The following SPIB variants were observed in gnomAD, a reference collection of about 807,000 sequenced individuals.
SPIB encodes the protein transcription factor Spi-B.
SPIB carries 7 observed loss-of-function variants against 31.9 expected under a neutral mutation model. That is an observed-to-expected ratio of 0.22 (90% CI 0.12 to 0.41). SPIB has a LOEUF of 0.41. SPIB is among the 10% of genes least tolerant of loss of function. The pLI, the probability that SPIB is intolerant of heterozygous loss-of-function variation, is 1.00. For synonymous variants in SPIB, 176 were observed against 158.9 expected, an observed-to-expected ratio of 1.11 and a Z score of -0.81; for missense variants, 327 against 360.2, an observed-to-expected ratio of 0.91 and a Z score of 0.75.
intron 5 of SPIB, among the ~76,000 whole-genome samples, chr19:50,427,791 T>C (rs1329478444): frequency 6.7e-6 from 1 of 148,882 alleles, no homozygotes; most frequent in African/African-American, 2.5e-5. Context: ...GATGTAAATC[T>C]CGAAAATTAA....
chr19:50,421,523 A>G (rs1174269569), intron 2 of SPIB, among the ~76,000 whole-genome samples: 5 of 151,834 alleles, frequency 3.3e-5, no homozygotes, highest in Admixed American at 6.6e-5. Context: ...GGGTTTCACC[A>G]TGTTGGCCAG....
intron 5 of SPIB, 143 bp from the exon 6 acceptor site, chr19:50,427,895 G>C: frequency 3.1e-6 from 2 of 653,822 alleles, no homozygotes; most frequent in Non-Finnish European, 4.5e-6. Flanking sequence ...CGCAGAGCCA[G>C]GTGTATGTAA....
intron 5 of SPIB, 22 bp downstream of exon 5, chr19:50,423,777 G>A (rs377672034): frequency 9.5e-6 from 15 of 1,584,396 alleles, no homozygotes; most frequent in East Asian, 2.3e-5. Context: ...TGGCTGGGGT[G>A]GGGGAGATGC....
chr19:50,428,630 G>A lies in SPIB; in HGVS notation c.*294G>A. On this transcript the variant is annotated 3_prime_UTR_variant, in exon 6 of 6. Coordinates refer to ENST00000595883, the MANE Select transcript of SPIB (RefSeq NM_003121.5). This position sits in a 1 kb window ranked among gnomAD's most constrained non-coding sequence, Gnocchi z 6.5. Reference sequence around the variant, plus strand: ...GGACCACTATACTCGGGGAGGCAGGGTAGCAGTTCTTCCAGAATCCCAAGA... The same window carrying A: ...GGACCACTATACTCGGGGAGGCAGGATAGCAGTTCTTCCAGAATCCCAAGA... The A allele has an allele frequency of 2.6e-6, 1 of 383,828 alleles. No homozygotes were observed. Among genetic ancestry groups the A allele is most frequent in the Non-Finnish European group, 4.6e-6 (1 of 215,452 alleles). 23.8% of individuals were successfully genotyped at this position (383,828 alleles called of 1,614,324 possible).
intron 5 of SPIB, among the ~76,000 whole-genome samples, chr19:50,425,678 G>A (rs55919517): frequency 0.083 from 12,637 of 152,226 alleles, 606 homozygotes; most frequent in South Asian, 0.19. Context: ...CTGAGCCTAT[G>A]TGCTCCTCCC....
At chr19:50,420,768 C>T (rs1242022802) in intron 2 of SPIB, among the ~76,000 whole-genome samples, 1 of 152,194 alleles carries the variant, frequency 6.6e-6, no homozygotes, top group Non-Finnish European at 1.5e-5. Context: ...GCTGGGATTA[C>T]AGGCATGTGC....
rs762655908 is a variant in SPIB, at chr19:50,418,968, C to G, written c.6C>G (p.Leu2=). M[L]ALEAAQLDGP... ...ACAGCCCGCCCGGCACCACCATGCT[C>G]GCCCTGGAGGCTGCACAGTAAGTGA... The change falls in exon 1 of 6, where the codon CTC becomes CTG. Residue 2 remains leucine (L), a synonymous_variant. Transcript: ENST00000595883. The surrounding 1 kb of genome is among the most constrained non-coding windows in gnomAD (Gnocchi z 6.0). 6.4e-7 allele frequency: 1 copy of G among 1,554,226 alleles called. No homozygotes were observed. The highest frequency in any genetic ancestry group is 8.7e-7 in the Non-Finnish European group (1 of 1,149,110).
rs1189221327 is a variant in SPIB at position 50,430,425 on chromosome 19, G to A, written c.*2089G>A. On this transcript the variant is annotated 3_prime_UTR_variant, in exon 6 of 6. Coordinates refer to ENST00000595883, the MANE Select transcript of SPIB (RefSeq NM_003121.5). ...TTAGTTTGTCCCTTCTGTGAAAAAGGGAGAGAAGGAGGAGGAAGATCTCAA... is the reference window on the plus strand; with the variant it reads ...TTAGTTTGTCCCTTCTGTGAAAAAGAGAGAGAAGGAGGAGGAAGATCTCAA... The A allele has an allele frequency of 6.6e-6, 1 of 152,176 alleles. No homozygotes were observed. Among genetic ancestry groups the A allele is most frequent in the African/African-American group, 2.4e-5 (1 of 41,392 alleles). The allele number at this position is 152,176 out of a possible 1,614,324, so 9.4% of individuals were successfully genotyped here. A position where few individuals can be genotyped will look rare whatever the true frequency, so the allele number is the denominator to read the frequency against.
chr19:50,423,172 T>G, intron 4 of SPIB, 135 bp downstream of exon 4: 1 of 418,058 alleles, frequency 2.4e-6, no homozygotes, highest in East Asian at 3.5e-5. Flanking sequence ...TCCACTGCAC[T>G]CCAGTCTGGG....
intron 1 of SPIB, 95 bp from the exon 2 acceptor site, chr19:50,419,851 A>T: frequency 7.5e-7 from 1 of 1,335,348 alleles, no homozygotes; most frequent in Non-Finnish European, 1.0e-6. Context: ...TGCGGTGGTC[A>T]CAGCTGCTGC....
Position 50,424,017 on chromosome 19 carries a change from T to C in SPIB, c.490+262T>C, listed in dbSNP as rs527453189. On this transcript the variant is annotated intron_variant, in intron 5 of 5. Coordinates refer to ENST00000595883, the MANE Select transcript of SPIB (RefSeq NM_003121.5). ...GACTAAATGGGATAGTAAGTGTAAA[T>C]GGGACAGCAGTGCCAGGCACAGAGT... Among the ~76,000 whole-genome samples, 11 of 152,178 alleles carry C rather than the reference T, an allele frequency of 7.2e-5. No homozygotes were observed. The South Asian group carries it at 2.3e-3, about 32-fold the overall frequency.
intron 1 of SPIB, 91 bp downstream of exon 1, chr19:50,419,076 C>G (rs2039448163): frequency 6.8e-7 from 1 of 1,470,498 alleles, no homozygotes; most frequent in African/African-American, 1.4e-5. Context: ...TTCTCTGCTC[C>G]TCACGGCCGG....
At chr19:50,422,665 C>A (rs2039511566) in intron 3 of SPIB, 120 bp downstream of exon 3, 1 of 1,178,422 alleles carries the variant, frequency 8.5e-7, no homozygotes, top group Non-Finnish European at 1.2e-6. Flanking sequence ...GGGCCTATAG[C>A]CCTCCTCCCC....
At chr19:50,427,330 G>C (rs545174667) in intron 5 of SPIB, among the ~76,000 whole-genome samples, 1 of 152,276 alleles carries the variant, frequency 6.6e-6, no homozygotes, top group Admixed American at 6.5e-5. Context: ...TTCGAGACCA[G>C]CCTGGCCAAC....
intron 5 of SPIB, among the ~76,000 whole-genome samples, chr19:50,426,182 C>T (rs919014130): frequency 1.3e-5 from 2 of 152,096 alleles, no homozygotes; most frequent in African/African-American, 4.8e-5. Flanking sequence ...GCACTCCAGC[C>T]TGGGCAACAG....
intron 5 of SPIB, 51 bp downstream of exon 5, chr19:50,423,806 G>A (rs933208177): frequency 2.6e-6 from 4 of 1,556,154 alleles, no homozygotes; most frequent in Admixed American, 3.8e-5. Context: ...GATGGTGGGG[G>A]GGCTGAGAGC....
intron 1 of SPIB, among the ~76,000 whole-genome samples, chr19:50,419,190 G>C (rs1319497611): frequency 6.6e-6 from 1 of 151,826 alleles, no homozygotes; most frequent in African/African-American, 2.4e-5. Context: ...ATCTTTCCTG[G>C]TCCCCAAAGA....
At chr19:50,421,985 G>A (rs1039127222) in intron 2 of SPIB, among the ~76,000 whole-genome samples, 2 of 151,964 alleles carry the variant, frequency 1.3e-5, no homozygotes, top group Non-Finnish European at 2.9e-5. Flanking sequence ...CCTGACCTCA[G>A]GTGATCTGCC....
chr19:50,426,070 C>T (rs1165241054), intron 5 of SPIB, among the ~76,000 whole-genome samples: 1 of 151,882 alleles, frequency 6.6e-6, no homozygotes, highest in Admixed American at 6.6e-5. Flanking sequence ...TTAGCTGGGC[C>T]TGGTGGTGCA....
Sources: allele counts gnomAD v4.1 joint callset (sites outside exome capture counted in the v4.1 genomes callset), GRCh38; gene constraint gnomAD v4.1.1; non-coding constraint Gnocchi (gnomAD v3.1); transcripts MANE v1.5; gene names NCBI Gene and HGNC (gene_info 2026-07-23, HGNC 2026-07-21).